ADAM18: variants seen among roughly 807,000 people sequenced by gnomAD.
ADAM18 encodes ADAM metallopeptidase domain 18, also known as disintegrin and metalloproteinase domain-containing protein 18.
Under a neutral mutation model 94.4 loss-of-function variants are expected in ADAM18, and 117 were observed. That is an observed-to-expected ratio of 1.24 (90% CI 1.07 to 1.45). The LOEUF (loss-of-function observed/expected upper bound fraction) is 1.45, where lower values mean the gene tolerates loss of function less well. Ranked by LOEUF, ADAM18 falls within the 40% of genes most tolerant of loss-of-function variation. The pLI, the probability that ADAM18 is intolerant of heterozygous loss-of-function variation, is 0.00. For synonymous variants in ADAM18, 327 were observed against 291.6 expected, an observed-to-expected ratio of 1.12 and a Z score of -1.24; for missense variants, 936 against 880.0, an observed-to-expected ratio of 1.06 and a Z score of -0.81.
At chr8:39,658,635 T>C (rs1820750533) in intron 12 of ADAM18, among the ~76,000 whole-genome samples, 2 of 152,202 alleles carry the variant, frequency 1.3e-5, no homozygotes, top group Non-Finnish European at 2.9e-5. Flanking sequence ...TATGTTTGCA[T>C]GGTTTTAAAC....
chr8:39,619,441 T>C (rs1819542253), intron 6 of ADAM18, among the ~76,000 whole-genome samples: 1 of 152,202 alleles, frequency 6.6e-6, no homozygotes, highest in Non-Finnish European at 1.5e-5. Flanking sequence ...TTAACAAAGT[T>C]TTTAAAAATT....
chr8:39,592,245 C>A (rs1213230410), intron 2 of ADAM18, among the ~76,000 whole-genome samples: 1 of 152,090 alleles, frequency 6.6e-6, no homozygotes, highest in Non-Finnish European at 1.5e-5. Context: ...TCTTTTAAAG[C>A]TAGACATTAA....
rs1820353006 is a variant in ADAM18, at chr8:39,645,458, A to G, written c.1030A>G (p.Met344Val). The change falls in exon 11 of 20, where the codon ATG becomes GTG. Residue 344 changes from methionine (M) to valine (V), a missense_variant. Transcript: ENST00000265707. Reference sequence around the variant, plus strand: ...TTTCTGTCTGAGAGCTACATGCATCATGAATCATGAAGCAGTGTAAGATGT... The same window carrying G: ...TTTCTGTCTGAGAGCTACATGCATCGTGAATCATGAAGCAGTGTAAGATGT... ...QCFCLRATCI[M>V]NHEAVSASGR... 9.3e-6 allele frequency: 15 copies of G among 1,610,878 alleles called. No individual in the cohort carries two copies. Among genetic ancestry groups the G allele is most frequent in the Non-Finnish European group, 1.3e-5 (15 of 1,178,886 alleles).
At chr8:39,677,281 T>C (rs1178349391) in intron 14 of ADAM18, 150 bp from the exon 15 acceptor site, 1 of 578,334 alleles carries the variant, frequency 1.7e-6, no homozygotes, top group Admixed American at 3.8e-5. Context: ...AATTATTTCT[T>C]TCTACTTGCA....
At chr8:39,697,587 T>C (rs916209524) in intron 17 of ADAM18, among the ~76,000 whole-genome samples, 1 of 151,848 alleles carries the variant, frequency 6.6e-6, no homozygotes, top group Admixed American at 6.6e-5. Flanking sequence ...AGTCAACATT[T>C]ATTTATTCTT....
intron 12 of ADAM18, among the ~76,000 whole-genome samples, chr8:39,654,621 A>G (rs1332384316): frequency 6.6e-6 from 1 of 151,398 alleles, no homozygotes; most frequent in Non-Finnish European, 1.5e-5. Context: ...GAAGCTTCAT[A>G]CTACTTTCCA....
intron 7 of ADAM18, among the ~76,000 whole-genome samples, chr8:39,630,669 G>A (rs1412622540): frequency 6.6e-6 from 1 of 151,754 alleles, no homozygotes; most frequent in Non-Finnish European, 1.5e-5. Flanking sequence ...ACCACAATTT[G>A]GTGCTATTAT....
chr8:39,675,956 G>A (rs1821289672), intron 14 of ADAM18, among the ~76,000 whole-genome samples: 1 of 152,204 alleles, frequency 6.6e-6, no homozygotes, highest in South Asian at 2.1e-4. Context: ...CACCAGTGGA[G>A]GCTGCAGAAC....
intron 2 of ADAM18, chr8:39,605,641 T>A (rs1397757485): frequency 1.7e-5 from 3 of 177,172 alleles, no homozygotes; most frequent in East Asian, 1.7e-4. Flanking sequence ...GCAGTTAATA[T>A]AGTGTTAATA....
chr8:39,663,956 C>T lies in ADAM18; in HGVS notation c.1326+66C>T, dbSNP rs577582855. 10 of 986,130 alleles carry T rather than the reference C, an allele frequency of 1.0e-5. No individual in the cohort carries two copies. The South Asian group carries it at 1.0e-4, about 10-fold the overall frequency. 61.1% of individuals were successfully genotyped at this position (986,130 alleles called of 1,614,324 possible). A position where few individuals can be genotyped will look rare whatever the true frequency, so the allele number is the denominator to read the frequency against. ...TAAGAGACGTCTGTATTAACTGAATCAATGTGCAATTAATAAAAAGAATAT... is the reference window on the plus strand; with the variant it reads ...TAAGAGACGTCTGTATTAACTGAATTAATGTGCAATTAATAAAAAGAATAT... On this transcript the variant is annotated intron_variant, in intron 13 of 19. Transcript: ENST00000265707.
chr8:39,655,436 C>T (rs566538564), intron 12 of ADAM18, among the ~76,000 whole-genome samples: 2 of 151,874 alleles, frequency 1.3e-5, no homozygotes, highest in Admixed American at 1.3e-4. Flanking sequence ...GGTTTATTTA[C>T]AGAATGTAAA....
intron 11 of ADAM18, among the ~76,000 whole-genome samples, chr8:39,647,405 G>A (rs890021542): frequency 4.6e-5 from 7 of 152,142 alleles, no homozygotes; most frequent in Non-Finnish European, 8.8e-5. Context: ...CTCGCCTCCC[G>A]CCATAGGGCG....
intron 10 of ADAM18, among the ~76,000 whole-genome samples, chr8:39,638,920 C>A (rs956038786): frequency 6.6e-6 from 1 of 151,740 alleles, no homozygotes; most frequent in Non-Finnish European, 1.5e-5. Context: ...TTTACACATA[C>A]TTTATGCTAT....
chr8:39,724,290 T>C (rs1209903514), intron 19 of ADAM18, among the ~76,000 whole-genome samples: 1 of 151,810 alleles, frequency 6.6e-6, no homozygotes, highest in African/African-American at 2.4e-5. Context: ...TTAAGTCATG[T>C]TTGGAAGCTT....
At chr8:39,672,360 A>C (rs1821180052) in intron 14 of ADAM18, among the ~76,000 whole-genome samples, 1 of 152,164 alleles carries the variant, frequency 6.6e-6, no homozygotes, top group South Asian at 2.1e-4. Context: ...TGGAAAAATC[A>C]AGACCAGATA....
intron 18 of ADAM18, among the ~76,000 whole-genome samples, chr8:39,712,416 C>A (rs1307582492): frequency 5.9e-5 from 9 of 152,114 alleles, no homozygotes; most frequent in African/African-American, 2.2e-4. Flanking sequence ...CACTCCTATT[C>A]AACATAGTGT....
chr8:39,638,416 T>C, intron 9 of ADAM18, 49 bp from the exon 10 acceptor site: 1 of 1,294,226 alleles, frequency 7.7e-7, no homozygotes, highest in Non-Finnish European at 1.1e-6. Context: ...TACATAAGCT[T>C]ACAAATTGTT....
At chr8:39,652,732 C>T (rs534280021) in intron 12 of ADAM18, among the ~76,000 whole-genome samples, 1 of 152,298 alleles carries the variant, frequency 6.6e-6, no homozygotes, top group South Asian at 2.1e-4. Context: ...GATGTCTGCA[C>T]TTTCATTTTA....
chr8:39,670,651 T>C (rs1257092241), intron 14 of ADAM18, among the ~76,000 whole-genome samples: 4 of 152,206 alleles, frequency 2.6e-5, no homozygotes, highest in Non-Finnish European at 5.9e-5. Context: ...TGGAGCTTAA[T>C]GACTAAGAGA....
Sources: allele counts gnomAD v4.1 joint callset (sites outside exome capture counted in the v4.1 genomes callset), GRCh38; gene constraint gnomAD v4.1.1; transcripts MANE v1.5; gene names NCBI Gene and HGNC (gene_info 2026-07-23, HGNC 2026-07-21).